The following COPS4 variants were observed in gnomAD, a reference collection of about 807,000 sequenced individuals.
COPS4 encodes the protein COP9 signalosome complex subunit 4.
In COPS4, 8 loss-of-function variants were observed where a neutral mutation model predicts 55.1. The observed-to-expected ratio is 0.15, with a 90% CI of 0.09 to 0.26. COPS4 has a LOEUF of 0.26. Among genes scored for constraint, COPS4 ranks in the 10% least tolerant of loss-of-function variants. The pLI, the probability that COPS4 is intolerant of heterozygous loss-of-function variation, is 1.00. For missense variants in COPS4, 248 were observed against 484.0 expected, an observed-to-expected ratio of 0.51 and a Z score of 4.58; for synonymous variants, 185 against 165.7, an observed-to-expected ratio of 1.12 and a Z score of -0.90.
chr4:83,045,416 T>C (rs181564826), intron 1 of COPS4, among the ~76,000 whole-genome samples: 144 of 152,258 alleles, frequency 9.5e-4, no homozygotes, highest in African/African-American at 3.3e-3. Flanking sequence ...GAAAACTAGA[T>C]GAAGTGGTAC....
intron 7 of COPS4, chr4:83,065,251 G>GT (rs1208876610): frequency 2.1e-5 from 9 of 428,618 alleles, no homozygotes; most frequent in Non-Finnish European, 3.7e-5. Context: ...AGTTGGCTGT[G>GT]TAAGTCTGAA....
chr4:83,071,956 C>T (rs535165388), intron 9 of COPS4, among the ~76,000 whole-genome samples: 9 of 152,236 alleles, frequency 5.9e-5, no homozygotes, highest in Admixed American at 2.6e-4. Context: ...GTGATCCGCC[C>T]GCCTCGGCCT....
intron 6 of COPS4, among the ~76,000 whole-genome samples, chr4:83,058,600 T>A (rs1339657549): frequency 6.6e-6 from 1 of 152,242 alleles, no homozygotes; most frequent in Non-Finnish European, 1.5e-5. Flanking sequence ...TGGTACTGCT[T>A]CTTTTTCTAA....
chr4:83,055,072 C>G (rs1453943061), intron 4 of COPS4, among the ~76,000 whole-genome samples: 1 of 152,044 alleles, frequency 6.6e-6, no homozygotes, highest in Non-Finnish European at 1.5e-5. Flanking sequence ...CTCCTTTGCC[C>G]CCAAATCAAT....
intron 4 of COPS4, among the ~76,000 whole-genome samples, chr4:83,052,349 C>T (rs1400987975): frequency 6.6e-6 from 1 of 152,088 alleles, no homozygotes; most frequent in Admixed American, 6.6e-5. Flanking sequence ...GAGGGATAGG[C>T]TTTAGATAGG....
chr4:83,043,532 A>C (rs1291208218), intron 1 of COPS4, among the ~76,000 whole-genome samples: 1 of 149,964 alleles, frequency 6.7e-6, no homozygotes, highest in Non-Finnish European at 1.5e-5. Context: ...AAAAAAAAAA[A>C]AAAAAAAAAA....
intron 7 of COPS4, among the ~76,000 whole-genome samples, chr4:83,064,630 T>C (rs1023632374): frequency 1.3e-5 from 2 of 152,108 alleles, no homozygotes; most frequent in African/African-American, 4.8e-5. Flanking sequence ...AGTCGTGCTC[T>C]GTTGTCCAGG....
chr4:83,069,333 G>C (rs145472752), intron 9 of COPS4, among the ~76,000 whole-genome samples: 10 of 152,132 alleles, frequency 6.6e-5, no homozygotes, highest in Middle Eastern at 3.4e-3. Context: ...TGTTTCTCTA[G>C]TGGTCTGTGG....
chr4:83,067,643 C>T (rs1731322711), intron 8 of COPS4, among the ~76,000 whole-genome samples: 1 of 151,658 alleles, frequency 6.6e-6, no homozygotes, highest in South Asian at 2.1e-4. Flanking sequence ...GGACTACAGG[C>T]ATGAGTCATT....
intron 7 of COPS4, 111 bp downstream of exon 7, chr4:83,063,357 C>G (rs1731213579): frequency 1.4e-6 from 1 of 704,068 alleles, no homozygotes; most frequent in Admixed American, 3.9e-5. Flanking sequence ...AACACTTCCT[C>G]ATAAAAAAAG....
intron 1 of COPS4, among the ~76,000 whole-genome samples, chr4:83,043,518 CAAAAAAAAAAAAAAA>C (rs34480105): frequency 2.8e-4 from 5 of 17,682 alleles, no homozygotes; most frequent in African/African-American, 8.0e-4. Context: ...GACCCTGTCT[CAAAAAAAAAAAAAAA>C]AAAAAAAAAA....
intron 1 of COPS4, among the ~76,000 whole-genome samples, chr4:83,041,932 T>C (rs926670990): frequency 6.6e-6 from 1 of 151,858 alleles, no homozygotes; most frequent in African/African-American, 2.4e-5. Flanking sequence ...CAGCGGGATC[T>C]CAGCTCACTG....
chr4:83,054,473 C>G (rs1730967434), intron 4 of COPS4, among the ~76,000 whole-genome samples: 3 of 152,208 alleles, frequency 2.0e-5, no homozygotes, highest in Admixed American at 2.0e-4. Context: ...CTGCTTCAGA[C>G]ATCTTGCCTT....
chr4:83,035,581 G>A (rs370327571), intron 1 of COPS4: 100 of 305,534 alleles, frequency 3.3e-4, no homozygotes, highest in African/African-American at 1.4e-3. Flanking sequence ...ACAGCGGTCT[G>A]AGAGACGACT....
intron 4 of COPS4, among the ~76,000 whole-genome samples, chr4:83,051,786 G>A (rs545518279): frequency 3.3e-5 from 5 of 152,332 alleles, no homozygotes; most frequent in African/African-American, 9.6e-5. Context: ...TGGATGAGAT[G>A]CCCAAAGGAG....
intron 7 of COPS4, 59 bp from the exon 8 acceptor site, chr4:83,066,379 G>A: frequency 1.3e-6 from 1 of 775,428 alleles, no homozygotes; most frequent in African/African-American, 1.8e-5. Flanking sequence ...AAAAAATGAT[G>A]CATCTTTTTA....
chr4:83,049,623 A>G (rs548301879), intron 3 of COPS4: 1 of 461,366 alleles, frequency 2.2e-6, no homozygotes, highest in East Asian at 3.9e-5. Context: ...GTATGCAGGA[A>G]CATACAAGCT....
chr4:83,073,122 C>G (rs2126135659), intron 9 of COPS4: 1 of 517,668 alleles, frequency 1.9e-6, no homozygotes, highest in African/African-American at 1.9e-5. Context: ...ACCTCTATCT[C>G]TGTCTAGTTT....
rs773521128 is a variant in COPS4 at position 83,045,550 on chromosome 4, G to A, written c.75-76G>A. 1.7e-5 allele frequency: 20 copies of A among 1,156,080 alleles called. No individual in the cohort carries two copies. The Admixed American group carries it at 2.5e-4, about 15-fold the overall frequency. 71.6% of individuals were successfully genotyped at this position (1,156,080 alleles called of 1,614,324 possible). ...GAAAGAAACCAAGGTATGTAGAAAT[G>A]AATAAATACACATCAAAGTTTGCAT... On this transcript the variant is annotated intron_variant, in intron 1 of 9. Coordinates refer to ENST00000264389, the MANE Select transcript of COPS4 (RefSeq NM_016129.3).
Sources: gnomAD v4.1 joint callset for allele counts (sites outside exome capture counted in the v4.1 genomes callset) on GRCh38, gnomAD v4.1.1 for gene constraint, MANE v1.5 for transcripts, NCBI Gene and HGNC (gene_info 2026-07-23, HGNC 2026-07-21) for gene names.